Variants in ORC2 observed in about 807,000 individuals in gnomAD.
The protein encoded by ORC2 is origin recognition complex subunit 2, also known as origin recognition complex protein 2 homolog.
ORC2 carries 37 observed loss-of-function variants against 77.7 expected under a neutral mutation model. The ratio of observed to expected loss-of-function variants is 0.48; its 90% CI spans 0.37 to 0.63. ORC2 has a LOEUF of 0.63. Among genes scored for constraint, ORC2 ranks in the 20% least tolerant of loss-of-function variants. The probability of loss-of-function intolerance (pLI) is 0.00; values close to 1 mark genes in which losing one functional copy is unlikely to be tolerated. For synonymous variants in ORC2, 201 were observed against 229.5 expected (o/e 0.88, Z 1.12); for missense variants, 557 against 661.9 (o/e 0.84, Z 1.74).
chr2:200,921,420 A>G lies in ORC2; in HGVS notation c.1148-281T>C, dbSNP rs1440648606. ...GCCTCCCAAAGTGCTAGGATCACAGACGTGAACCACCATGTCCAGCTGCAA... is the reference window on the plus strand; with the variant it reads ...GCCTCCCAAAGTGCTAGGATCACAGGCGTGAACCACCATGTCCAGCTGCAA... On this transcript the variant is annotated intron_variant, in intron 13 of 17. Coordinates refer to ENST00000234296, the MANE Select transcript of ORC2 (RefSeq NM_006190.5). 1.4e-5 allele frequency: 3 copies of G among 212,108 alleles called. No individual in the cohort carries two copies. The East Asian group carries it at 2.9e-4, about 20-fold the overall frequency. 13.1% of individuals were successfully genotyped at this position (212,108 alleles called of 1,614,324 possible). A position where few individuals can be genotyped will look rare whatever the true frequency, so the allele number is the denominator to read the frequency against.
At chr2:200,915,634 A>T (rs529109282) in intron 15 of ORC2, among the ~76,000 whole-genome samples, 17 of 152,208 alleles carry the variant, frequency 1.1e-4, no homozygotes, top group Admixed American at 2.0e-4. Context: ...ACTTATATGA[A>T]TTTTCATTGT....
At chr2:200,936,375 C>G (rs1302674314) in intron 8 of ORC2, among the ~76,000 whole-genome samples, 1 of 152,160 alleles carries the variant, frequency 6.6e-6, no homozygotes. Context: ...AAATAGCTGG[C>G]AGCTTCTGAG....
Position 200,913,352 on chromosome 2 carries a change from C to A in ORC2, c.1590G>T (p.Leu530=). The A allele has an allele frequency of 1.2e-6, 2 of 1,601,866 alleles. No homozygotes were observed. The highest frequency in any genetic ancestry group is 2.2e-5 in the South Asian group (2 of 90,898). The stretch of plus-strand genomic sequence containing the variant: ...ATTCAGTTAACTGGGCCCGGAGTGT[C>A]AGATCACTATTGACGAGGAATGCCT... ...CREAFLVNSD[L]TLRAQLTEFR... The change falls in exon 17 of 18, where the codon CTG becomes CTT. Residue 530 remains leucine, a synonymous_variant. Transcript: ENST00000234296.
intron 15 of ORC2, among the ~76,000 whole-genome samples, chr2:200,916,976 G>C (rs1040736645): frequency 5.4e-5 from 8 of 147,170 alleles, no homozygotes; most frequent in Non-Finnish European, 1.2e-4. Context: ...TTACAGGTGT[G>C]AGCCACTGTG....
At chr2:200,931,531 A>G in intron 10 of ORC2, 83 bp from the exon 11 acceptor site, 2 of 681,960 alleles carry the variant, frequency 2.9e-6, no homozygotes, top group Non-Finnish European at 4.9e-6. Context: ...TTAGAAGTAG[A>G]GCTTAGAAGA....
chr2:200,939,232 AT>A (rs2041104086), intron 7 of ORC2, among the ~76,000 whole-genome samples: 1 of 152,092 alleles, frequency 6.6e-6, no homozygotes, highest in Admixed American at 6.5e-5. Context: ...GTTCTACTTC[AT>A]TTGTTAAAAA....
chr2:200,920,470 G>T, intron 14 of ORC2, 77 bp from the exon 15 acceptor site: 2 of 1,166,960 alleles, frequency 1.7e-6, no homozygotes, highest in Non-Finnish European at 2.3e-6. Context: ...CTTTACAAAA[G>T]AATGAGAAAG....
intron 4 of ORC2, among the ~76,000 whole-genome samples, chr2:200,951,866 G>A (rs1422278516): frequency 6.6e-6 from 1 of 152,108 alleles, no homozygotes; most frequent in African/African-American, 2.4e-5. Context: ...GAGAAACAAT[G>A]AATTTTAATT....
chr2:200,926,794 A>C lies in ORC2; in HGVS notation c.1024T>G (p.Phe342Val). 6.2e-7 allele frequency: 1 copy of C among 1,614,068 alleles called. No homozygotes were observed. Among genetic ancestry groups the C allele is most frequent in the East Asian group, 2.2e-5 (1 of 44,868 alleles). Reference sequence around the variant, plus strand: ...GATTTCACACTGATTCCAGGAAAGAAGCCATTGATGACAACGTGAATGGAA... The same window carrying C: ...GATTTCACACTGATTCCAGGAAAGACGCCATTGATGACAACGTGAATGGAA... ...QDSIHVVINGFFPGISVKSVL... is the reference protein window; with the variant it reads ...QDSIHVVINGVFPGISVKSVL... The change falls in exon 12 of 18, where the codon TTC (phenylalanine) becomes GTC (valine). Residue 342 changes from phenylalanine to valine, a missense_variant. Physicochemically the swap from Phe to Val is conservative, Grantham distance 50. Coordinates refer to ENST00000234296, the MANE Select transcript of ORC2 (RefSeq NM_006190.5).
chr2:200,958,665 C>A (rs1341942483), intron 2 of ORC2, among the ~76,000 whole-genome samples: 1 of 152,184 alleles, frequency 6.6e-6, no homozygotes, highest in African/African-American at 2.4e-5. Flanking sequence ...GGAATGCTTA[C>A]CAAACAACTT....
chr2:200,961,713 C>T (rs566894241), intron 1 of ORC2, among the ~76,000 whole-genome samples: 13 of 152,104 alleles, frequency 8.5e-5, no homozygotes, highest in African/African-American at 3.1e-4. Flanking sequence ...GAAGCAGTGA[C>T]AATGAGCAAA....
Position 200,921,025 on chromosome 2 carries a change from A to G in ORC2, c.1262T>C (p.Ile421Thr), listed in dbSNP as rs768734838. Residue 421 changes from isoleucine to threonine, a missense_variant, in exon 14 of 18, where the codon ATA (isoleucine) becomes ACA (threonine). Ile to Thr is a moderately conservative substitution (Grantham distance 89). Coordinates refer to ENST00000234296, the MANE Select transcript of ORC2 (RefSeq NM_006190.5). ...AGCATTGAGGTGGTCAATGGATGCTATAAGGTAAATGTTATGCAAAGATGA... is the reference window on the plus strand; with the variant it reads ...AGCATTGAGGTGGTCAATGGATGCTGTAAGGTAAATGTTATGCAAAGATGA... ...QLSSLHNIYL[I>T]ASIDHLNAPL... 1 of 1,603,590 alleles carries G rather than the reference A, an allele frequency of 6.2e-7. No individual in the cohort carries two copies. Among genetic ancestry groups the G allele is most frequent in the Non-Finnish European group, 8.5e-7 (1 of 1,174,194 alleles).
intron 4 of ORC2, among the ~76,000 whole-genome samples, chr2:200,953,299 C>A (rs2041399297): frequency 6.7e-6 from 1 of 149,764 alleles, no homozygotes; most frequent in Non-Finnish European, 1.5e-5. Flanking sequence ...GAATGCAATA[C>A]TACTAGCTAT....
At chr2:200,938,670 A>G (rs934860735) in intron 7 of ORC2, among the ~76,000 whole-genome samples, 2 of 152,246 alleles carry the variant, frequency 1.3e-5, no homozygotes, top group Non-Finnish European at 2.9e-5. Flanking sequence ...CAACATGACA[A>G]TATGACAAAA....
At position 200,911,940 on chromosome 2, in the gene ORC2, T is replaced by C. The variant is rs6757344; in HGVS notation, c.1648-553A>G. Among the ~76,000 whole-genome samples, 1,128 of 152,308 alleles carry C rather than the reference T, an allele frequency of 7.4e-3. 19 individuals carry two copies. The highest frequency in any genetic ancestry group is 0.026 in the African/African-American group (1,090 of 41,556). ...CATCGTTTGCTTAGACCATCAGGAA[T>C]TTTATATTCCTAAATCTCACAGATA... On this transcript the variant is annotated intron_variant, in intron 17 of 17. Transcript: ENST00000234296.
At chr2:200,913,906 A>G in intron 16 of ORC2, 25 bp downstream of exon 16, 1 of 1,574,446 alleles carries the variant, frequency 6.4e-7, no homozygotes, top group Non-Finnish European at 8.6e-7. Flanking sequence ...AAATTACACA[A>G]TTGAATGTCA....
intron 13 of ORC2, among the ~76,000 whole-genome samples, chr2:200,925,115 T>C (rs1230924770): frequency 1.3e-5 from 2 of 152,148 alleles, no homozygotes; most frequent in South Asian, 2.1e-4. Flanking sequence ...GACAAACTTG[T>C]ACCACTCAAG....
chr2:200,920,890 A>G lies in ORC2; in HGVS notation c.1294+103T>C. 4 of 723,156 alleles carry G rather than the reference A, an allele frequency of 5.5e-6. No individual in the cohort carries two copies. The East Asian group carries it at 1.0e-4, about 18-fold the overall frequency. The allele number at this position is 723,156 out of a possible 1,614,324, so 44.8% of individuals were successfully genotyped here. ...TGTGTTTTTAAACATGTAAAAGGGG[A>G]AAAAGCGTACTAAAAACAGTAAAAA... On this transcript the variant is annotated intron_variant, in intron 14 of 17. Coordinates refer to ENST00000234296, the MANE Select transcript of ORC2 (RefSeq NM_006190.5).
At chr2:200,958,788 CAA>C (rs771864735) in intron 2 of ORC2, among the ~76,000 whole-genome samples, 3 of 152,190 alleles carry the variant, frequency 2.0e-5, no homozygotes, top group Non-Finnish European at 4.4e-5. Flanking sequence ...GTTTGGCAAG[CAA>C]AAGTTTGATC....
Sources: allele counts gnomAD v4.1 joint callset (sites outside exome capture counted in the v4.1 genomes callset), GRCh38; gene constraint gnomAD v4.1.1; transcripts MANE v1.5; gene names NCBI Gene and HGNC (gene_info 2026-07-23, HGNC 2026-07-21).